The following PITPNM2 variants were observed in gnomAD, a reference collection of about 807,000 sequenced individuals.
PITPNM2 encodes phosphatidylinositol transfer protein membrane associated 2, also known as membrane-associated phosphatidylinositol transfer protein 2.
In PITPNM2, 35 loss-of-function variants were observed where a neutral mutation model predicts 132.2. That is an observed-to-expected ratio of 0.26 (90% CI 0.20 to 0.35). PITPNM2 has a LOEUF of 0.35. Among genes scored for constraint, PITPNM2 ranks in the 10% least tolerant of loss-of-function variants. The pLI, the probability that PITPNM2 is intolerant of heterozygous loss-of-function variation, is 1.00. For missense variants in PITPNM2, 1,332 were observed against 1,912.0 expected (o/e 0.70, Z 5.66); for synonymous variants, 738 against 799.2 (o/e 0.92, Z 1.29).
intron 2 of PITPNM2, among the ~76,000 whole-genome samples, chr12:123,074,631 CCACA>C (rs370209153): frequency 1.3e-5 from 2 of 151,128 alleles, no homozygotes; most frequent in South Asian, 2.1e-4. Context: ...ACCCACCCAC[CCACA>C]CACACACACA....
chr12:123,104,579 C>T (rs1219656342), intron 2 of PITPNM2, among the ~76,000 whole-genome samples: 1 of 151,628 alleles, frequency 6.6e-6, no homozygotes, highest in South Asian at 2.1e-4. Context: ...TCAAAAAGCT[C>T]CCCCACTGAG....
intron 16 of PITPNM2, chr12:122,991,796 G>A (rs781038058): frequency 2.7e-5 from 35 of 1,299,314 alleles, no homozygotes; most frequent in African/African-American, 2.1e-4. Flanking sequence ...CCAGGTGGGC[G>A]CGGGAACAGG....
At chr12:123,109,676 A>C (rs991850656) in intron 2 of PITPNM2, among the ~76,000 whole-genome samples, 1 of 152,192 alleles carries the variant, frequency 6.6e-6, no homozygotes, top group Non-Finnish European at 1.5e-5. Flanking sequence ...GGCACAGAAG[A>C]AGCATAACTC....
chr12:123,034,468 G>T, intron 3 of PITPNM2, 45 bp downstream of exon 3: 1 of 1,567,342 alleles, frequency 6.4e-7, no homozygotes, highest in Non-Finnish European at 8.8e-7. Flanking sequence ...GTGCGCTGGC[G>T]CGACCCACCC....
chr12:123,127,838 T>G (rs1158433763), intron 1 of PITPNM2, among the ~76,000 whole-genome samples: 2 of 152,122 alleles, frequency 1.3e-5, no homozygotes, highest in Non-Finnish European at 2.9e-5. Context: ...ATCAATCTCC[T>G]GACCTCGTGA....
At chr12:123,101,769 C>T (rs1290979863) in intron 2 of PITPNM2, among the ~76,000 whole-genome samples, 2 of 152,094 alleles carry the variant, frequency 1.3e-5, no homozygotes, top group Non-Finnish European at 2.9e-5. Flanking sequence ...TTCTAAAACC[C>T]ACCACCAGTC....
At chr12:123,109,529 A>G (rs1031254785) in intron 2 of PITPNM2, among the ~76,000 whole-genome samples, 4 of 152,186 alleles carry the variant, frequency 2.6e-5, no homozygotes, top group African/African-American at 9.7e-5. Context: ...ATCCAGAGGG[A>G]TGGTGCATTA....
chr12:123,131,136 A>T (rs568142202), intron 1 of PITPNM2, among the ~76,000 whole-genome samples: 15 of 152,224 alleles, frequency 9.9e-5, no homozygotes, highest in Non-Finnish European at 1.9e-4. Context: ...TATCCTTGTC[A>T]GAAACTCAGA....
chr12:123,073,831 T>A (rs955039104), intron 2 of PITPNM2, among the ~76,000 whole-genome samples: 3 of 152,108 alleles, frequency 2.0e-5, no homozygotes, highest in Non-Finnish European at 4.4e-5. Flanking sequence ...CTCCAGCTCA[T>A]CCCCAGGCTG....
At position 122,993,031 on chromosome 12, in the gene PITPNM2, T is replaced by G. The variant is rs933364039; in HGVS notation, c.2234-362A>C. 1.4e-4 allele frequency among the ~76,000 whole-genome samples: 21 copies of G among 152,128 alleles called. No individual in the cohort carries two copies. Among genetic ancestry groups the G allele is most frequent in the African/African-American group, 5.1e-4 (21 of 41,420 alleles). On this transcript the variant is annotated intron_variant, in intron 15 of 25. Coordinates refer to ENST00000320201, the MANE Select transcript of PITPNM2 (RefSeq NM_020845.3). The surrounding 1 kb of genome is among the most constrained non-coding windows in gnomAD (Gnocchi z 5.2). The stretch of plus-strand genomic sequence containing the variant: ...TTGTAGAGATGGGGTCTTACTATGT[T>G]ATCCAGGCTGGTCTCAAACTCCTGG...
At chr12:123,126,028 C>A (rs906428293) in intron 1 of PITPNM2, among the ~76,000 whole-genome samples, 3 of 151,056 alleles carry the variant, frequency 2.0e-5, no homozygotes, top group African/African-American at 7.3e-5. Flanking sequence ...CGCCACCACG[C>A]CCAGCTAATT....
chr12:123,120,652 G>A (rs962243438), intron 1 of PITPNM2, among the ~76,000 whole-genome samples: 6 of 152,186 alleles, frequency 3.9e-5, no homozygotes, highest in African/African-American at 1.4e-4. Context: ...TACAGTCTGG[G>A]ATGATGACCT....
rs2042961295 is a variant in PITPNM2, at chr12:123,117,856, A to G, written c.-199-7368T>C. Reference sequence around the variant, plus strand: ...TAGGTGAGGCTACGGGACTAGTTATATGAGTAGGGGAGGTCCACCACTTCA... The same window carrying G: ...TAGGTGAGGCTACGGGACTAGTTATGTGAGTAGGGGAGGTCCACCACTTCA... On this transcript the variant is annotated intron_variant, in intron 1 of 25. Transcript: ENST00000320201. This position sits in a 1 kb window ranked among gnomAD's most constrained non-coding sequence, Gnocchi z 4.7. 6.6e-6 allele frequency among the ~76,000 whole-genome samples: 1 copy of G among 152,224 alleles called. No homozygotes were observed. Among genetic ancestry groups the G allele is most frequent in the African/African-American group, 2.4e-5 (1 of 41,448 alleles).
At chr12:123,059,640 T>C (rs996492715) in intron 2 of PITPNM2, among the ~76,000 whole-genome samples, 1 of 152,182 alleles carries the variant, frequency 6.6e-6, no homozygotes, top group African/African-American at 2.4e-5. Flanking sequence ...AGGACTGGCT[T>C]GAGGGCCATA....
intron 1 of PITPNM2, among the ~76,000 whole-genome samples, chr12:123,136,470 A>G (rs2043385075): frequency 6.6e-6 from 1 of 152,158 alleles, no homozygotes; most frequent in African/African-American, 2.4e-5. Context: ...CTTATCTTCC[A>G]TGTAATCTAG....
In PITPNM2 at chr12:123,000,965, A is replaced by G; in HGVS notation, c.1153+89T>C. On this transcript the variant is annotated intron_variant, in intron 9 of 25. Transcript: ENST00000320201. The surrounding 1 kb of genome is among the most constrained non-coding windows in gnomAD (Gnocchi z 5.4). Reference sequence around the variant, plus strand: ...GGGTCCCCAACTCACATGTATGCCCAGCACTGTGCAGAAGCTGGTCAGAAA... The same window carrying G: ...GGGTCCCCAACTCACATGTATGCCCGGCACTGTGCAGAAGCTGGTCAGAAA... The G allele has an allele frequency of 6.5e-7, 1 of 1,529,646 alleles. No homozygotes were observed. Among genetic ancestry groups the G allele is most frequent in the Non-Finnish European group, 9.1e-7 (1 of 1,104,294 alleles). 94.8% of individuals were successfully genotyped at this position (1,529,646 alleles called of 1,614,324 possible). A position where few individuals can be genotyped will look rare whatever the true frequency, so the allele number is the denominator to read the frequency against.
chr12:123,087,234 C>T (rs1368355580), intron 2 of PITPNM2: 3 of 152,116 alleles, frequency 2.0e-5, no homozygotes. Context: ...CTCAATGAAA[C>T]CTTCTTTTTT....
intron 2 of PITPNM2, among the ~76,000 whole-genome samples, chr12:123,079,166 C>A (rs1247915377): frequency 6.6e-6 from 1 of 152,000 alleles, no homozygotes; most frequent in Non-Finnish European, 1.5e-5. Context: ...CATCCTCCAG[C>A]CTCCTATCTC....
At chr12:123,071,747 G>A (rs910972449) in intron 2 of PITPNM2, among the ~76,000 whole-genome samples, 8 of 152,330 alleles carry the variant, frequency 5.3e-5, no homozygotes, top group South Asian at 2.1e-4. Flanking sequence ...CTCACACAAC[G>A]CCCATGGGGG....
Sources: gnomAD v4.1 joint callset for allele counts (sites outside exome capture counted in the v4.1 genomes callset) on GRCh38, gnomAD v4.1.1 for gene constraint, Gnocchi (gnomAD v3.1) non-coding constraint, MANE v1.5 for transcripts, NCBI Gene and HGNC (gene_info 2026-07-23, HGNC 2026-07-21) for gene names.